The following RPGRIP1L variants were observed in gnomAD, a reference collection of about 807,000 sequenced individuals.
RPGRIP1L encodes the protein protein fantom.
Under a neutral mutation model 160.4 loss-of-function variants are expected in RPGRIP1L, and 131 were observed. That is an observed-to-expected ratio of 0.82 (90% CI 0.71 to 0.94). RPGRIP1L has a LOEUF of 0.94. Among genes scored for constraint, RPGRIP1L ranks in the 40% least tolerant of loss-of-function variants. RPGRIP1L has a pLI of 0.00. For synonymous variants in RPGRIP1L, 510 were observed against 515.8 expected (o/e 0.99, Z 0.15); for missense variants, 1,522 against 1,535.8 (o/e 0.99, Z 0.15).
chr16:53,630,769 C>T (rs943956566), intron 22 of RPGRIP1L, among the ~76,000 whole-genome samples: 1 of 151,984 alleles, frequency 6.6e-6, no homozygotes, highest in South Asian at 2.1e-4. Context: ...GAGTCTTGCT[C>T]TGTTGCCCAG....
intron 14 of RPGRIP1L, 69 bp downstream of exon 14, chr16:53,656,403 T>G: frequency 2.0e-6 from 2 of 1,002,238 alleles, no homozygotes; most frequent in Non-Finnish European, 3.2e-6. Flanking sequence ...CAGATTTGGA[T>G]GACATTATCA....
chr16:53,602,344 C>G (rs17195472), intron 26 of RPGRIP1L, among the ~76,000 whole-genome samples, 156 bp from the exon 27 acceptor site: 54 of 152,256 alleles, frequency 3.5e-4, no homozygotes, highest in African/African-American at 1.3e-3. Context: ...AACCTTGTCA[C>G]GTGTGCATGG....
Position 53,657,627 on chromosome 16 carries a change from T to A in RPGRIP1L, c.1407A>T (p.Gln469His). Residue 469 changes from glutamine to histidine, a missense_variant, in exon 13 of 27, where the codon CAA becomes CAT. By Grantham distance (24) the Gln-to-His change is conservative. Transcript: ENST00000647211. ...LSEALLLIKA[Q>H]KEQKNGDLSF... ...AAAGGTCTCCATTTTTTTGTTCTTT[T>A]TGAGCCTAAAATAAAAAACATGTTT... The A allele has an allele frequency of 6.4e-7, 1 of 1,565,088 alleles. No homozygotes were observed. The highest frequency in any genetic ancestry group is 1.4e-5 in the African/African-American group (1 of 73,432).
At chr16:53,690,762 C>T (rs1323365269) in intron 4 of RPGRIP1L, among the ~76,000 whole-genome samples, 1 of 152,156 alleles carries the variant, frequency 6.6e-6, no homozygotes, top group Non-Finnish European at 1.5e-5. Flanking sequence ...TGGGAGCCAC[C>T]ATCTCCTGAT....
intron 22 of RPGRIP1L, 65 bp downstream of exon 22, chr16:53,636,374 A>G (rs1369219438): frequency 6.6e-6 from 7 of 1,060,180 alleles, no homozygotes; most frequent in Admixed American, 5.1e-5. Flanking sequence ...TGAAGACTAC[A>G]TATGTACTGT....
chr16:53,694,857 T>A (rs1489236896), intron 3 of RPGRIP1L: 1 of 154,382 alleles, frequency 6.5e-6, no homozygotes, highest in Non-Finnish European at 1.4e-5. Context: ...TACCCATGTA[T>A]CTAGGTCACA....
At chr16:53,666,357 G>A (rs1968250255) in intron 9 of RPGRIP1L, among the ~76,000 whole-genome samples, 1 of 151,702 alleles carries the variant, frequency 6.6e-6, no homozygotes, top group Non-Finnish European at 1.5e-5. Flanking sequence ...ACAAAATATA[G>A]GATCTATATA....
In RPGRIP1L at chr16:53,656,499, T is replaced by C; in HGVS notation, c.1672A>G (p.Arg558Gly). 1 of 1,613,290 alleles carries C rather than the reference T, an allele frequency of 6.2e-7. No individual in the cohort carries two copies. The highest frequency in any genetic ancestry group is 8.5e-7 in the Non-Finnish European group (1 of 1,179,216). Reference sequence around the variant, plus strand: ...TCTAGTTTATGGATACGTGCAGCCCTGATATCAAGAAGATGAACATACTGT... The same window carrying C: ...TCTAGTTTATGGATACGTGCAGCCCCGATATCAAGAAGATGAACATACTGT... ...VEQYVHLLDI[R>G]AARIHKLEAQ... Residue 558 changes from arginine (R) to glycine (G), a missense_variant, in exon 14 of 27, where the codon AGG (arginine) becomes GGG (glycine). By Grantham distance (125) the Arg-to-Gly change is moderately radical (BLOSUM62 -2). Transcript: ENST00000647211.
chr16:53,610,824 C>A (rs535858492), intron 25 of RPGRIP1L, 143 bp downstream of exon 25: 8 of 708,742 alleles, frequency 1.1e-5, no homozygotes, highest in Admixed American at 8.4e-5. Context: ...CTACAGAGAT[C>A]CCGTACTCAT....
chr16:53,681,848 T>C (rs1038785267), intron 6 of RPGRIP1L, among the ~76,000 whole-genome samples: 1 of 152,226 alleles, frequency 6.6e-6, no homozygotes, highest in African/African-American at 2.4e-5. Context: ...GTTAGGTTCA[T>C]GTTTGAGAAC....
intron 24 of RPGRIP1L, among the ~76,000 whole-genome samples, chr16:53,611,713 GACGGTGA>G (rs910582277): frequency 6.6e-6 from 1 of 152,234 alleles, no homozygotes; most frequent in Admixed American, 6.5e-5. Flanking sequence ...ACAGAAAGAA[GACGGTGA>G]ACACTTGACA....
chr16:53,666,344 T>C (rs546829811), intron 9 of RPGRIP1L, among the ~76,000 whole-genome samples: 12 of 152,252 alleles, frequency 7.9e-5, no homozygotes, highest in African/African-American at 2.2e-4. Context: ...TTATGGAAAC[T>C]TAACAAAATA....
intron 2 of RPGRIP1L, among the ~76,000 whole-genome samples, chr16:53,699,386 TAAAAAAA>T (rs10652484): frequency 1.3e-5 from 1 of 77,452 alleles, no homozygotes; most frequent in South Asian, 5.6e-4. Context: ...GAATGATCAA[TAAAAAAA>T]AAAAAAAAAA....
chr16:53,664,822 A>AACATT (rs1467983453), intron 10 of RPGRIP1L, 48 bp downstream of exon 10: 41 of 1,594,624 alleles, frequency 2.6e-5, no homozygotes, highest in Non-Finnish European at 3.2e-5. Flanking sequence ...TCAATGAAGA[A>AACATT]ACATTAGATG....
At chr16:53,604,315 C>T (rs987445242) in intron 26 of RPGRIP1L, among the ~76,000 whole-genome samples, 5 of 152,342 alleles carry the variant, frequency 3.3e-5, no homozygotes, top group Middle Eastern at 3.4e-3. Flanking sequence ...GGCTGAACTA[C>T]AGCGTAAGCA....
In RPGRIP1L at chr16:53,649,036, T is replaced by C; in HGVS notation, c.2232A>G (p.Arg744=). Residue 744 remains arginine (R), a synonymous_variant, in exon 16 of 27, where the codon CGA becomes CGG. Transcript: ENST00000647211. ...AAGCCTTTGCCCTTTCTCGATAAAGTCGAATTGCTTGATCCATGGGAACTC... is the reference window on the plus strand; with the variant it reads ...AAGCCTTTGCCCTTTCTCGATAAAGCCGAATTGCTTGATCCATGGGAACTC... ...RLRVPMDQAI[R]LYRERAKALG... 1.9e-6 allele frequency: 3 copies of C among 1,613,914 alleles called. No homozygotes were observed. Among genetic ancestry groups the C allele is most frequent in the Non-Finnish European group, 2.5e-6 (3 of 1,179,802 alleles).
At position 53,601,755 on chromosome 16, in the gene RPGRIP1L, G is replaced by A. The variant is rs1963386080; in HGVS notation, c.*321C>T. The A allele has an allele frequency of 7.8e-6, 2 of 257,432 alleles. No individual in the cohort carries two copies. Among genetic ancestry groups the A allele is most frequent in the Non-Finnish European group, 1.5e-5 (2 of 131,098 alleles). The allele number at this position is 257,432 out of a possible 1,614,324, so 15.9% of individuals were successfully genotyped here. ...CTTATTAAAAATAAAAATGGGAATT[G>A]CATTTCGGTTCTTCCTAAGAAAATG... On this transcript the variant is annotated 3_prime_UTR_variant, in exon 27 of 27. Transcript: ENST00000647211.
rs1443412610 is a variant in RPGRIP1L at position 53,672,955 on chromosome 16, A to G, written c.944T>C (p.Met315Thr). 6.2e-7 allele frequency: 1 copy of G among 1,613,184 alleles called. No individual in the cohort carries two copies. The change falls in exon 8 of 27, where the codon ATG becomes ACG. Residue 315 changes from methionine (M) to threonine (T), a missense_variant. Met to Thr is a moderately conservative substitution (Grantham distance 81). Transcript: ENST00000647211. ...ALMANGDELNMQLKEQRLKCC... is the reference protein window; with the variant it reads ...ALMANGDELNTQLKEQRLKCC... The stretch of plus-strand genomic sequence containing the variant: ...TTTTAAACGCTGCTCTTTAAGTTGC[A>G]TGTTTAATTCATCCCCATTTGCCAT...
intron 23 of RPGRIP1L, among the ~76,000 whole-genome samples, chr16:53,620,766 C>T (rs1224397307): frequency 6.6e-6 from 1 of 152,034 alleles, no homozygotes; most frequent in Non-Finnish European, 1.5e-5. Context: ...TCTAATCTCA[C>T]TTCAGAAAAC....
Sources: gnomAD v4.1 joint callset for allele counts (sites outside exome capture counted in the v4.1 genomes callset) on GRCh38, gnomAD v4.1.1 for gene constraint, MANE v1.5 for transcripts, NCBI Gene and HGNC (gene_info 2026-07-23, HGNC 2026-07-21) for gene names.